Variants in CNDP1 observed in about 807,000 individuals in gnomAD.
CNDP1 encodes the protein carnosine dipeptidase 1, also known as beta-Ala-His dipeptidase.
A neutral mutation model predicts 58.1 loss-of-function variants in CNDP1; 44 were observed. That is an observed-to-expected ratio of 0.76 (90% confidence interval 0.60 to 0.97). The LOEUF is 0.97. CNDP1 is among the 50% of genes least tolerant of loss of function. CNDP1 has a pLI of 0.00. For missense variants in CNDP1, 616 were observed against 655.1 expected, an observed-to-expected ratio of 0.94 and a Z score of 0.65; for synonymous variants, 254 against 252.6, an observed-to-expected ratio of 1.01 and a Z score of -0.05.
chr18:74,568,175 G>T (rs185852473), intron 6 of CNDP1, among the ~76,000 whole-genome samples: 2 of 152,292 alleles, frequency 1.3e-5, no homozygotes, highest in Admixed American at 1.3e-4. Flanking sequence ...ATATAACAAC[G>T]TGTAGGCTGA....
At chr18:74,575,687 TGC>T (rs1981613341) in intron 7 of CNDP1, among the ~76,000 whole-genome samples, 1 of 121,602 alleles carries the variant, frequency 8.2e-6, no homozygotes, top group African/African-American at 3.5e-5. Context: ...AAGGGTATAA[TGC>T]TTTTAATTAA....
chr18:74,559,368 G>T lies in CNDP1; in HGVS notation c.199G>T (p.Val67Leu). ...VAIESDSVQP[V>L]PRFRQELFRM... Reference sequence around the variant, plus strand: ...CATCGAGAGCGACTCTGTCCAGCCTGTGCCTCGCTTCAGACAAGAGCTCTT... The same window carrying T: ...CATCGAGAGCGACTCTGTCCAGCCTTTGCCTCGCTTCAGACAAGAGCTCTT... The change falls in exon 3 of 12, where the codon GTG (valine) becomes TTG (leucine). Residue 67 changes from valine to leucine, a missense_variant. Coordinates refer to ENST00000358821, the MANE Select transcript of CNDP1 (RefSeq NM_032649.6). 6.2e-7 allele frequency: 1 copy of T among 1,614,076 alleles called. No individual in the cohort carries two copies. Among genetic ancestry groups the T allele is most frequent in the Non-Finnish European group, 8.5e-7 (1 of 1,180,026 alleles).
At chr18:74,583,782 G>C in intron 11 of CNDP1, 74 bp downstream of exon 11, 1 of 1,429,078 alleles carries the variant, frequency 7.0e-7, no homozygotes, top group Non-Finnish European at 9.8e-7. Context: ...ACGTGGGTGA[G>C]CTCCTGTTCA....
intron 1 of CNDP1, among the ~76,000 whole-genome samples, chr18:74,550,745 T>TC (rs1412762096): frequency 6.7e-6 from 1 of 150,362 alleles, no homozygotes; most frequent in African/African-American, 2.4e-5. Flanking sequence ...CCCGACTATT[T>TC]TTTTTTTTTG....
chr18:74,534,734 A>C (rs778648671), intron 1 of CNDP1, 43 bp downstream of exon 1: 2 of 1,612,192 alleles, frequency 1.2e-6, no homozygotes, highest in South Asian at 2.2e-5. Flanking sequence ...ATTGGGTGCC[A>C]GAATTCCATT....
intron 1 of CNDP1, among the ~76,000 whole-genome samples, chr18:74,534,928 T>C: frequency 6.6e-6 from 1 of 152,248 alleles, no homozygotes; most frequent in Non-Finnish European, 1.5e-5. Context: ...AATGGCATTA[T>C]TGTCAAGTAG....
intron 7 of CNDP1, among the ~76,000 whole-genome samples, chr18:74,575,407 T>C (rs1332623904): frequency 6.6e-6 from 1 of 152,214 alleles, no homozygotes; most frequent in South Asian, 2.1e-4. Flanking sequence ...GGAGATCTCA[T>C]GACTGCATTA....
At position 74,585,069 on chromosome 18, in the gene CNDP1, G is replaced by A; in HGVS notation, c.*507G>A. On this transcript the variant is annotated 3_prime_UTR_variant, in exon 12 of 12. Transcript: ENST00000358821. Reference sequence around the variant, plus strand: ...ATTTTCAGAGGAGTTACTAAGGCATGGTACTATATTAACCTCTTGCCTCCC... The same window carrying A: ...ATTTTCAGAGGAGTTACTAAGGCATAGTACTATATTAACCTCTTGCCTCCC... The A allele has an allele frequency of 6.5e-6, 1 of 155,028 alleles. No individual in the cohort carries two copies. Among genetic ancestry groups the A allele is most frequent in the East Asian group, 1.9e-4 (1 of 5,326 alleles). 9.6% of individuals were successfully genotyped at this position (155,028 alleles called of 1,614,324 possible).
rs536816865 is a variant in CNDP1 at position 74,564,183 on chromosome 18, A to G, written c.555+2048A>G. ...CTGTGGTGAGTCAAGCCCACTTATT[A>G]GAACTGATTACAGTGTGTGCGGTGT... On this transcript the variant is annotated intron_variant, in intron 5 of 11. Coordinates refer to ENST00000358821, the MANE Select transcript of CNDP1 (RefSeq NM_032649.6). Among the ~76,000 whole-genome samples the G allele has an allele frequency of 5.8e-4, 88 of 152,346 alleles. 1 individual carries two copies. The highest frequency in any genetic ancestry group is 4.2e-3 in the Admixed American group (65 of 15,300).
At chr18:74,578,922 C>A (rs1005184926) in intron 9 of CNDP1, among the ~76,000 whole-genome samples, 3 of 152,126 alleles carry the variant, frequency 2.0e-5, no homozygotes, top group African/African-American at 7.2e-5. Context: ...AAATTACCAA[C>A]CAATCATCAA....
intron 9 of CNDP1, among the ~76,000 whole-genome samples, chr18:74,579,588 A>T (rs1375777852): frequency 1.3e-5 from 2 of 151,988 alleles, no homozygotes; most frequent in Non-Finnish European, 2.9e-5. Flanking sequence ...TCCCCGGGAG[A>T]CTCTCAACAG....
chr18:74,575,462 T>C (rs1364834808), intron 7 of CNDP1, among the ~76,000 whole-genome samples: 2 of 152,232 alleles, frequency 1.3e-5, no homozygotes, highest in African/African-American at 2.4e-5. Flanking sequence ...TTTTGTGTCA[T>C]TTATATCAGT....
At position 74,561,004 on chromosome 18, in the gene CNDP1, T is replaced by A. The variant is rs755909725; in HGVS notation, c.452T>A (p.Leu151Gln). Residue 151 changes from leucine (L) to glutamine (Q), a missense_variant, in exon 4 of 12, where the codon CTG becomes CAG. Coordinates refer to ENST00000358821, the MANE Select transcript of CNDP1 (RefSeq NM_032649.6). ...GGGTGGCTCACGGACCCCTATGTGCTGACGGAGGTAGACGGTCAGTGAGGC... is the reference window on the plus strand; with the variant it reads ...GGGTGGCTCACGGACCCCTATGTGCAGACGGAGGTAGACGGTCAGTGAGGC... ...GDGWLTDPYV[L>Q]TEVDGKLYGR... is the part of the protein sequence containing the mutation. The A allele has an allele frequency of 6.2e-7, 1 of 1,612,808 alleles. No homozygotes were observed. Among genetic ancestry groups the A allele is most frequent in the South Asian group, 1.1e-5 (1 of 91,062 alleles).
Position 74,556,342 on chromosome 18 carries a change from C to T in CNDP1, c.29C>T (p.Ala10Val), listed in dbSNP as rs773767191. 1.7e-5 allele frequency: 27 copies of T among 1,603,166 alleles called. No homozygotes were observed. Among genetic ancestry groups the T allele is most frequent in the South Asian group, 1.4e-4 (13 of 90,298 alleles). ...TCCCATGTCAAACCCTTCCAGGCTGCGTCCCTGCTGGCTGTGCTGCTGCTG... is the reference window on the plus strand; with the variant it reads ...TCCCATGTCAAACCCTTCCAGGCTGTGTCCCTGCTGGCTGTGCTGCTGCTG... MDPKLGRMA[A>V]SLLAVLLLLL... Residue 10 changes from alanine to valine, a missense_variant, in exon 2 of 12, where the codon GCG becomes GTG. Ala to Val is a moderately conservative substitution (Grantham distance 64). Coordinates refer to ENST00000358821, the MANE Select transcript of CNDP1 (RefSeq NM_032649.6).
chr18:74,573,113 T>A (rs1268663205), intron 7 of CNDP1, among the ~76,000 whole-genome samples: 1 of 152,050 alleles, frequency 6.6e-6, no homozygotes, highest in East Asian at 1.9e-4. Context: ...TCTATCTTTC[T>A]ATTCATCCAT....
chr18:74,566,947 G>A (rs1420007387), intron 5 of CNDP1, among the ~76,000 whole-genome samples: 1 of 152,198 alleles, frequency 6.6e-6, no homozygotes, highest in Admixed American at 6.5e-5. Context: ...GGCTGGGGAG[G>A]CCTCAGAATC....
At chr18:74,565,364 T>C (rs762842546) in intron 5 of CNDP1, among the ~76,000 whole-genome samples, 14 of 152,212 alleles carry the variant, frequency 9.2e-5, no homozygotes, top group South Asian at 2.1e-4. Flanking sequence ...TCTTAACTCA[T>C]TTCAGCATTA....
Position 74,584,798 on chromosome 18 carries a change from G to T in CNDP1, c.*236G>T. ...CTTCCTCAAGTCATAGCTGCTTGCA[G>T]CAACTTGATTTCCCCAAGTCCTGTG... On this transcript the variant is annotated 3_prime_UTR_variant, in exon 12 of 12. Coordinates refer to ENST00000358821, the MANE Select transcript of CNDP1 (RefSeq NM_032649.6). 2.1e-6 allele frequency: 1 copy of T among 476,284 alleles called. No homozygotes were observed. Among genetic ancestry groups the T allele is most frequent in the Non-Finnish European group, 3.8e-6 (1 of 265,014 alleles). The allele number at this position is 476,284 out of a possible 1,614,324, so 29.5% of individuals were successfully genotyped here. A position where few individuals can be genotyped will look rare whatever the true frequency, so the allele number is the denominator to read the frequency against.
chr18:74,542,891 C>A (rs1222191343), intron 1 of CNDP1, among the ~76,000 whole-genome samples: 1 of 152,182 alleles, frequency 6.6e-6, no homozygotes, highest in South Asian at 2.1e-4. Flanking sequence ...TCTTAAAGCA[C>A]CAGGTGGAGG....
Sources: allele counts gnomAD v4.1 joint callset (sites outside exome capture counted in the v4.1 genomes callset), GRCh38; gene constraint gnomAD v4.1.1; transcripts MANE v1.5; gene names NCBI Gene and HGNC (gene_info 2026-07-23, HGNC 2026-07-21).